The following MAML2 variants were observed in gnomAD, a reference collection of about 807,000 sequenced individuals.
The protein encoded by MAML2 is mastermind like transcriptional coactivator 2, also known as mastermind-like protein 2.
MAML2 carries 22 observed loss-of-function variants against 96.1 expected under a neutral mutation model. That is an observed-to-expected ratio of 0.23 (90% CI 0.16 to 0.33). The LOEUF is 0.33. Ranked by LOEUF, MAML2 falls within the 10% of genes least tolerant of loss-of-function variation. MAML2 has a pLI of 1.00. For synonymous variants in MAML2, 561 were observed against 521.3 expected (o/e 1.08, Z -1.04); for missense variants, 1,367 against 1,392.4 (o/e 0.98, Z 0.29).
At chr11:96,085,522 T>C (rs1859595503) in intron 2 of MAML2, among the ~76,000 whole-genome samples, 1 of 152,200 alleles carries the variant, frequency 6.6e-6, no homozygotes, top group South Asian at 2.1e-4. Context: ...AAGGGGATTG[T>C]TTGAGTCACC....
intron 2 of MAML2, among the ~76,000 whole-genome samples, chr11:96,006,470 C>G (rs1375989223): frequency 6.6e-6 from 1 of 151,866 alleles, no homozygotes; most frequent in Non-Finnish European, 1.5e-5. Context: ...ACTGCCAGAT[C>G]TGATGCTACT....
chr11:96,126,032 C>A (rs1860432508), intron 1 of MAML2, among the ~76,000 whole-genome samples: 1 of 152,192 alleles, frequency 6.6e-6, no homozygotes, highest in Admixed American at 6.5e-5. Flanking sequence ...TGGAGCCTTT[C>A]CTGGTACACC....
intron 2 of MAML2, among the ~76,000 whole-genome samples, chr11:96,081,396 T>G (rs1042573323): frequency 1.6e-4 from 25 of 152,160 alleles, no homozygotes; most frequent in Non-Finnish European, 2.4e-4. Context: ...CTTTCCAAAA[T>G]TCCCAGTGGA....
chr11:96,265,679 C>T (rs1042363030), intron 1 of MAML2, among the ~76,000 whole-genome samples: 1 of 152,174 alleles, frequency 6.6e-6, no homozygotes, highest in African/African-American at 2.4e-5. Context: ...AGCACATTGG[C>T]AGAGGAACAC....
chr11:96,071,529 C>T (rs1015112183), intron 2 of MAML2, among the ~76,000 whole-genome samples: 1 of 152,242 alleles, frequency 6.6e-6, no homozygotes, highest in African/African-American at 2.4e-5. Context: ...GCTTGTCAAA[C>T]TCTTGTTTTG....
chr11:96,015,000 T>C (rs950130422), intron 2 of MAML2, among the ~76,000 whole-genome samples: 4 of 152,210 alleles, frequency 2.6e-5, no homozygotes, highest in African/African-American at 7.2e-5. Context: ...ATAATAACCA[T>C]CTATGTACTA....
intron 1 of MAML2, among the ~76,000 whole-genome samples, chr11:96,277,142 C>T (rs115198020): frequency 1.9e-3 from 290 of 152,232 alleles, no homozygotes; most frequent in African/African-American, 6.2e-3. Flanking sequence ...GAGTCACCCA[C>T]GGAATGTGTT....
chr11:96,020,048 C>T, intron 2 of MAML2, among the ~76,000 whole-genome samples: 1 of 152,112 alleles, frequency 6.6e-6, no homozygotes, highest in East Asian at 1.9e-4. Flanking sequence ...TCTACATGGT[C>T]AATGTTGGAG....
At chr11:96,004,811 T>C (rs951043394) in intron 2 of MAML2, among the ~76,000 whole-genome samples, 4 of 152,194 alleles carry the variant, frequency 2.6e-5, no homozygotes, top group Non-Finnish European at 5.9e-5. Flanking sequence ...TGTGACACAG[T>C]CTCTGGCCCC....
At chr11:96,135,446 T>TATTA (rs557561300) in intron 1 of MAML2, among the ~76,000 whole-genome samples, 5 of 152,176 alleles carry the variant, frequency 3.3e-5, no homozygotes, top group African/African-American at 1.2e-4. Context: ...TTCTTCTTAT[T>TATTA]ATTACACTTT....
At chr11:96,043,119 C>T (rs1323565806) in intron 2 of MAML2, among the ~76,000 whole-genome samples, 2 of 152,168 alleles carry the variant, frequency 1.3e-5, no homozygotes, top group African/African-American at 4.8e-5. Context: ...CAAAGAACAC[C>T]ATCTTTATCT....
chr11:96,094,981 T>C (rs887231999), intron 1 of MAML2, among the ~76,000 whole-genome samples: 2 of 152,240 alleles, frequency 1.3e-5, no homozygotes, highest in African/African-American at 4.8e-5. Context: ...GGTTACTTTA[T>C]TTCCCTTAAT....
intron 1 of MAML2, among the ~76,000 whole-genome samples, chr11:96,317,628 G>T (rs1863649292): frequency 6.6e-6 from 1 of 152,206 alleles, no homozygotes. Flanking sequence ...CTCCAGGAAA[G>T]AAAATGACAA....
intron 1 of MAML2, among the ~76,000 whole-genome samples, chr11:96,294,980 C>T (rs1863270823): frequency 1.3e-5 from 2 of 152,072 alleles, no homozygotes; most frequent in Non-Finnish European, 2.9e-5. Flanking sequence ...TTCTCTTTGG[C>T]CAGTAACATT....
At chr11:96,182,147 A>G (rs1466502459) in intron 1 of MAML2, among the ~76,000 whole-genome samples, 1 of 152,114 alleles carries the variant, frequency 6.6e-6, no homozygotes, top group Non-Finnish European at 1.5e-5. Flanking sequence ...TAATTTCTAT[A>G]AAATTGAATA....
intron 1 of MAML2, among the ~76,000 whole-genome samples, chr11:96,169,597 A>G (rs904228210): frequency 6.6e-6 from 1 of 151,952 alleles, no homozygotes; most frequent in African/African-American, 2.4e-5. Flanking sequence ...CCCATTCTTA[A>G]CCTCTATTTC....
intron 1 of MAML2, among the ~76,000 whole-genome samples, chr11:96,239,743 A>G (rs556135258): frequency 6.2e-4 from 94 of 152,350 alleles, no homozygotes; most frequent in African/African-American, 2.1e-3. Context: ...ATAGAGCAGC[A>G]GTGGTGGTCA....
intron 1 of MAML2, among the ~76,000 whole-genome samples, chr11:96,176,119 A>G (rs1316075093): frequency 6.6e-6 from 1 of 152,152 alleles, no homozygotes; most frequent in Non-Finnish European, 1.5e-5. Flanking sequence ...ACTCAAGAAG[A>G]TGCGGTTCAG....
intron 2 of MAML2, among the ~76,000 whole-genome samples, chr11:96,071,546 C>G (rs1385075630): frequency 6.6e-6 from 1 of 152,186 alleles, no homozygotes; most frequent in African/African-American, 2.4e-5. Context: ...TTTGGACTCC[C>G]AAATACCTGG....
Sources: allele counts gnomAD v4.1 joint callset (sites outside exome capture counted in the v4.1 genomes callset), GRCh38; gene constraint gnomAD v4.1.1; transcripts MANE v1.5; gene names NCBI Gene and HGNC (gene_info 2026-07-23, HGNC 2026-07-21).